The following IGSF10 variants were observed in gnomAD, a reference collection of about 807,000 sequenced individuals.
The protein encoded by IGSF10 is immunoglobulin superfamily member 10.
IGSF10 carries 126 observed loss-of-function variants against 128.2 expected under a neutral mutation model. The observed-to-expected ratio is 0.98, with a 90% CI of 0.85 to 1.14. The LOEUF (loss-of-function observed/expected upper bound fraction) is 1.14, where lower values mean the gene tolerates loss of function less well. IGSF10 is among the 50% of genes most tolerant of loss of function. IGSF10 has a pLI of 0.00. For synonymous variants in IGSF10, 1,185 were observed against 1,146.2 expected (o/e 1.03, Z -0.68); for missense variants, 3,295 against 3,149.8 (o/e 1.05, Z -1.10).
the IGSF10 span, among the ~76,000 whole-genome samples, chr3:151,527,512 T>A: frequency 6.6e-6 from 1 of 152,172 alleles, no homozygotes; most frequent in Non-Finnish European, 1.5e-5. Flanking sequence ...TTACCTTACA[T>A]GTTACCCGCC....
chr3:151,542,357 A>G, the IGSF10 span, among the ~76,000 whole-genome samples: 3 of 152,276 alleles, frequency 2.0e-5, no homozygotes, highest in Admixed American at 1.3e-4. Flanking sequence ...CTTTAACATA[A>G]GTAGAATTCA....
Position 151,436,788 on chromosome 3 carries a change from G to T in IGSF10, c.7773C>A (p.Val2591=). The part of the protein sequence containing the change: ...SEQLHLQGTL[V]IQNPQTSDSG... Reference sequence around the variant, plus strand: ...AATCGGAGGTTTGGGGATTCTGAATGACTAGGGTACCTTGTAAGTGAAGCT... The same window carrying T: ...AATCGGAGGTTTGGGGATTCTGAATTACTAGGGTACCTTGTAAGTGAAGCT... The change falls in exon 8 of 8, where the codon GTC becomes GTA. Residue 2591 remains valine, a synonymous_variant. Coordinates refer to ENST00000282466, the MANE Select transcript of IGSF10 (RefSeq NM_178822.5). 1 of 1,614,134 alleles carries T rather than the reference G, an allele frequency of 6.2e-7. No homozygotes were observed. Among genetic ancestry groups the T allele is most frequent in the South Asian group, 1.1e-5 (1 of 91,066 alleles).
the IGSF10 span, among the ~76,000 whole-genome samples, chr3:151,555,207 T>C: frequency 2.0e-5 from 3 of 152,244 alleles, no homozygotes; most frequent in African/African-American, 7.2e-5. Context: ...ACGAAAAATG[T>C]ATTTAAATAA....
upstream of IGSF10, among the ~76,000 whole-genome samples, chr3:151,462,176 C>T (rs544926473): frequency 9.9e-5 from 15 of 152,242 alleles, no homozygotes; most frequent in South Asian, 3.1e-3. Context: ...CTAAAATGAC[C>T]TTGTTTCCTT....
At chr3:151,567,054 G>C in the IGSF10 span, among the ~76,000 whole-genome samples, 2 of 152,224 alleles carry the variant, frequency 1.3e-5, no homozygotes, top group African/African-American at 2.4e-5. Flanking sequence ...GAGACACAGA[G>C]TCTCTAGTCA....
chr3:151,563,840 T>C, the IGSF10 span, among the ~76,000 whole-genome samples: 2 of 152,220 alleles, frequency 1.3e-5, no homozygotes, highest in Non-Finnish European at 2.9e-5. Context: ...TTAAATGCTT[T>C]ATAATAATTA....
chr3:151,435,527 T>C (rs1157175860), downstream of IGSF10: 1 of 152,156 alleles, frequency 6.6e-6, no homozygotes, highest in African/African-American at 2.4e-5. Context: ...TCTCAAATGA[T>C]TGGCAGGGGC....
At chr3:151,432,692 C>A, downstream of IGSF10, 1 of 1,227,492 alleles carries the variant, frequency 8.1e-7, no homozygotes, top group Non-Finnish European at 1.2e-6. Context: ...AAGAGGGTAG[C>A]ATCCATCTGT....
In IGSF10 at chr3:151,444,964, C is replaced by T. The variant is rs1451643532; in HGVS notation, c.5017G>A (p.Val1673Ile). The change falls in exon 6 of 8, where the codon GTT becomes ATT. Residue 1673 changes from valine (V) to isoleucine (I), a missense_variant. Coordinates refer to ENST00000282466, the MANE Select transcript of IGSF10 (RefSeq NM_178822.5). The stretch of plus-strand genomic sequence containing the variant: ...TGAATGGTGGGCAGGGGATTTCCAA[C>T]AGCTTCACAGGGAAGAAAGGCATCT... ...NSDAFLPCEAVGNPLPTIHWT... is the reference protein window; with the variant it reads ...NSDAFLPCEAIGNPLPTIHWT... 1.2e-6 allele frequency: 2 copies of T among 1,613,252 alleles called. No individual in the cohort carries two copies. Among genetic ancestry groups the T allele is most frequent in the Non-Finnish European group, 1.7e-6 (2 of 1,179,756 alleles).
chr3:151,461,436 G>A, upstream of IGSF10: 1 of 983,966 alleles, frequency 1.0e-6, no homozygotes, highest in Non-Finnish European at 1.2e-6. Context: ...TACCTGCAGT[G>A]TCAATGTTTT....
the IGSF10 span, among the ~76,000 whole-genome samples, chr3:151,598,170 C>T: frequency 6.6e-6 from 1 of 151,848 alleles, no homozygotes; most frequent in African/African-American, 2.4e-5. Flanking sequence ...CCGCCATCCC[C>T]TATTCCTGCC....
chr3:151,609,300 C>A, the IGSF10 span, among the ~76,000 whole-genome samples: 1 of 152,112 alleles, frequency 6.6e-6, no homozygotes, highest in Non-Finnish European at 1.5e-5. Context: ...AAGAGGCAGG[C>A]AGAAAGTAGC....
Position 151,438,168 on chromosome 3 carries a change from C to T in IGSF10, c.6393G>A (p.Lys2131=). 1 of 1,614,054 alleles carries T rather than the reference C, an allele frequency of 6.2e-7. No individual in the cohort carries two copies. The highest frequency in any genetic ancestry group is 1.1e-5 in the South Asian group (1 of 91,086). Residue 2131 remains lysine (K), a synonymous_variant, in exon 8 of 8, where the codon AAG becomes AAA. Coordinates refer to ENST00000282466, the MANE Select transcript of IGSF10 (RefSeq NM_178822.5). ...CAGCTGTTATAACTGTTAAGTGGAC[C>T]TTCATTTCATCTTTCCCTAGGGTGT... ...AQNTLGKDEM[K]VHLTVITAAP...
chr3:151,449,338 G>A (rs1391981649), intron 5 of IGSF10, 73 bp from the exon 6 acceptor site: 2 of 1,372,820 alleles, frequency 1.5e-6, no homozygotes, highest in Non-Finnish European at 9.7e-7. Flanking sequence ...TGAAGAAATA[G>A]CTTTTGCTAG....
At position 151,447,960 on chromosome 3, in the gene IGSF10, C is replaced by T; in HGVS notation, c.2021G>A (p.Gly674Glu). 6 of 1,614,082 alleles carry T rather than the reference C, an allele frequency of 3.7e-6. No homozygotes were observed. The highest frequency in any genetic ancestry group is 3.4e-6 in the Non-Finnish European group (4 of 1,180,000). The change falls in exon 6 of 8, where the codon GGA (glycine) becomes GAA (glutamate). Residue 674 changes from glycine to glutamate, a missense_variant. By Grantham distance (98) the Gly-to-Glu change is moderately conservative. Coordinates refer to ENST00000282466, the MANE Select transcript of IGSF10 (RefSeq NM_178822.5). ...MKGQRPLEHD[G>E]ETEGSGLDES... ...ATCAAGTCCAGATCCCTCTGTTTCT[C>T]CATCATGCTCCAAGGGCCTTTGTCC...
the IGSF10 span, chr3:151,475,843 T>C: frequency 3.8e-5 from 6 of 158,758 alleles, no homozygotes; most frequent in Admixed American, 2.0e-4. Flanking sequence ...TCATGAGTCC[T>C]TGCTCAAGGT....
the IGSF10 span, among the ~76,000 whole-genome samples, chr3:151,616,545 T>G: frequency 6.6e-6 from 1 of 152,144 alleles, no homozygotes; most frequent in Non-Finnish European, 1.5e-5. Context: ...TTAGGCCCCT[T>G]TAAAGGATAT....
chr3:151,456,948 G>A, intron 4 of IGSF10, 78 bp downstream of exon 4: 1 of 1,426,356 alleles, frequency 7.0e-7, no homozygotes, highest in Non-Finnish European at 9.8e-7. Context: ...ATTGTGTAGA[G>A]ATAGGCAGCC....
the IGSF10 span, among the ~76,000 whole-genome samples, chr3:151,608,279 A>T: frequency 3.3e-5 from 5 of 152,246 alleles, no homozygotes; most frequent in African/African-American, 1.2e-4. Context: ...AGGCTTCTCT[A>T]TGCTAAAATT....
Sources: allele counts gnomAD v4.1 joint callset (sites outside exome capture counted in the v4.1 genomes callset), GRCh38; gene constraint gnomAD v4.1.1; transcripts MANE v1.5; gene names NCBI Gene and HGNC (gene_info 2026-07-23, HGNC 2026-07-21).